Variants in GPHN observed in about 807,000 individuals in gnomAD.
GPHN encodes the protein gephyrin.
A neutral mutation model predicts 95.5 loss-of-function variants in GPHN; 17 were observed. That is an observed-to-expected ratio of 0.18 (90% CI 0.12 to 0.27). GPHN has a LOEUF of 0.27. Ranked by LOEUF, GPHN falls within the 10% of genes least tolerant of loss-of-function variation. GPHN has a pLI of 1.00. For missense variants in GPHN, 660 were observed against 978.1 expected (o/e 0.67, Z 4.34); for synonymous variants, 320 against 322.5 (o/e 0.99, Z 0.08).
intron 1 of GPHN, among the ~76,000 whole-genome samples, chr14:66,544,001 A>T (rs1448538005): frequency 1.3e-5 from 2 of 152,218 alleles, no homozygotes; most frequent in Admixed American, 6.5e-5. Context: ...TTTAAAAGCC[A>T]CTGGCCTAAA....
the GPHN span, among the ~76,000 whole-genome samples, chr14:67,733,351 T>A: frequency 1.3e-5 from 2 of 152,212 alleles, no homozygotes; most frequent in African/African-American, 4.8e-5. Context: ...GATTTGGCAT[T>A]TTCTTCAATT....
chr14:66,738,781 AATTT>A (rs1243925649), intron 2 of GPHN, among the ~76,000 whole-genome samples: 1 of 152,010 alleles, frequency 6.6e-6, no homozygotes, highest in Non-Finnish European at 1.5e-5. Context: ...CTGTTAGGTG[AATTT>A]ATTTTATTAT....
chr14:67,676,780 T>C, the GPHN span: 2 of 152,236 alleles, frequency 1.3e-5, no homozygotes, highest in Non-Finnish European at 2.9e-5. Context: ...ACAACCATAA[T>C]AATGAACAGT....
intron 9 of GPHN, among the ~76,000 whole-genome samples, chr14:66,967,842 A>T (rs2069451799): frequency 6.6e-6 from 1 of 151,996 alleles, no homozygotes; most frequent in Non-Finnish European, 1.5e-5. Flanking sequence ...AAGACCTAAC[A>T]TTTCACCAGG....
rs553539674 is a variant in GPHN, at chr14:66,823,356, G to A, written c.202-1118G>A. 6.6e-5 allele frequency: 10 copies of A among 152,236 alleles called. No individual in the cohort carries two copies. The East Asian group carries it at 1.2e-3, about 18-fold the overall frequency. The allele number at this position is 152,236 out of a possible 1,614,324, so 9.4% of individuals were successfully genotyped here. A position where few individuals can be genotyped will look rare whatever the true frequency, so the allele number is the denominator to read the frequency against. On this transcript the variant is annotated intron_variant, in intron 3 of 22. Transcript: ENST00000478722. ...GCTATTTATAAGAGTGAGTATTTAA[G>A]CTTTTCTGCTTTTTAAAATGAAGCA...
chr14:66,935,048 A>G lies in GPHN; in HGVS notation c.828+10756A>G, dbSNP rs114478324. On this transcript the variant is annotated intron_variant, in intron 8 of 22. Transcript: ENST00000478722. ...AAATGTGACTTAAAGGAGGAAGAGG[A>G]TGAAAATAAATCCTGCTCCTCTGTA... Among the ~76,000 whole-genome samples, 1,069 of 152,324 alleles carry G rather than the reference A, an allele frequency of 7.0e-3. 5 individuals are homozygous for G. The highest frequency in any genetic ancestry group is 0.025 in the African/African-American group (1,022 of 41,574).
chr14:67,040,474 C>T (rs2074643099), intron 10 of GPHN, among the ~76,000 whole-genome samples: 1 of 152,012 alleles, frequency 6.6e-6, no homozygotes, highest in Non-Finnish European at 1.5e-5. Flanking sequence ...TGAACATTGC[C>T]ACAATACTAT....
intron 12 of GPHN, among the ~76,000 whole-genome samples, chr14:67,100,549 T>C (rs972494716): frequency 6.6e-6 from 1 of 152,160 alleles, no homozygotes; most frequent in Non-Finnish European, 1.5e-5. Flanking sequence ...CTAGAATAAC[T>C]TATTAGAAAA....
the GPHN span, among the ~76,000 whole-genome samples, chr14:67,255,157 A>T: frequency 6.6e-6 from 1 of 152,218 alleles, no homozygotes; most frequent in South Asian, 2.1e-4. Context: ...CTCAAAAAAA[A>T]AAAAAGTTCG....
At chr14:67,722,857 G>C in the GPHN span, 1 of 769,872 alleles carries the variant, frequency 1.3e-6, no homozygotes, top group Non-Finnish European at 2.3e-6. Flanking sequence ...GGGTGTTGTG[G>C]ATACCATGGT....
the GPHN span, among the ~76,000 whole-genome samples, chr14:67,583,096 T>C: frequency 6.6e-6 from 1 of 151,978 alleles, no homozygotes; most frequent in Non-Finnish European, 1.5e-5. Context: ...ACCTACTATA[T>C]ACCCACAAAA....
At chr14:66,941,759 C>T (rs904710705) in intron 8 of GPHN, among the ~76,000 whole-genome samples, 6 of 151,806 alleles carry the variant, frequency 4.0e-5, no homozygotes, top group Non-Finnish European at 8.8e-5. Context: ...CTGATCCAAA[C>T]AACTATATTG....
the GPHN span, among the ~76,000 whole-genome samples, chr14:67,406,430 G>T: frequency 3.3e-5 from 5 of 152,070 alleles, no homozygotes; most frequent in Admixed American, 2.6e-4. Context: ...GTGGAGTTAG[G>T]CAGGTCAGGA....
chr14:67,075,272 T>G (rs913632660), intron 11 of GPHN, among the ~76,000 whole-genome samples: 3 of 152,174 alleles, frequency 2.0e-5, no homozygotes, highest in African/African-American at 7.2e-5. Context: ...GTACATCTTT[T>G]TGCAGGTTGG....
intron 11 of GPHN, among the ~76,000 whole-genome samples, chr14:67,073,312 C>T (rs576740511): frequency 2.0e-5 from 3 of 152,022 alleles, no homozygotes; most frequent in Admixed American, 6.6e-5. Context: ...ACCCATTGGA[C>T]GTAAGTGCTA....
At chr14:67,017,279 A>G (rs1405853540) in intron 9 of GPHN, among the ~76,000 whole-genome samples, 1 of 152,152 alleles carries the variant, frequency 6.6e-6, no homozygotes, top group Non-Finnish European at 1.5e-5. Context: ...ATGGGAAAAA[A>G]CTTTTCTAGA....
At chr14:67,201,017 T>G in the GPHN span, among the ~76,000 whole-genome samples, 2 of 152,172 alleles carry the variant, frequency 1.3e-5, no homozygotes, top group Non-Finnish European at 2.9e-5. Context: ...ACAATTAGGC[T>G]GGGTGCAGTG....
chr14:66,664,605 TAGA>T (rs1339902263), intron 1 of GPHN, among the ~76,000 whole-genome samples: 1 of 151,848 alleles, frequency 6.6e-6, no homozygotes, highest in Non-Finnish European at 1.5e-5. Flanking sequence ...ATCCCAAAGC[TAGA>T]AGAAGACAAG....
At chr14:66,814,670 A>C (rs912008589) in intron 3 of GPHN, among the ~76,000 whole-genome samples, 22 of 152,200 alleles carry the variant, frequency 1.4e-4, no homozygotes, top group African/African-American at 5.3e-4. Flanking sequence ...AAGGTCAGCA[A>C]CCTCAAAGAT....
Sources: gnomAD v4.1 joint callset for allele counts (sites outside exome capture counted in the v4.1 genomes callset) on GRCh38, gnomAD v4.1.1 for gene constraint, MANE v1.5 for transcripts, NCBI Gene and HGNC (gene_info 2026-07-23, HGNC 2026-07-21) for gene names.